The following RALYL variants were observed in gnomAD, a reference collection of about 807,000 sequenced individuals.
The protein encoded by RALYL is RNA-binding Raly-like protein.
A neutral mutation model predicts 35.1 loss-of-function variants in RALYL; 29 were observed. The observed-to-expected ratio is 0.83, with a 90% CI of 0.61 to 1.13. The LOEUF is 1.13. Ranked by LOEUF, RALYL falls within the 50% of genes most tolerant of loss-of-function variation. The probability of loss-of-function intolerance (pLI) is 0.00; values close to 1 mark genes in which losing one functional copy is unlikely to be tolerated. For synonymous variants in RALYL, 120 were observed against 127.6 expected (o/e 0.94, Z 0.40); for missense variants, 359 against 360.4 (o/e 1.00, Z 0.03).
intron 4 of RALYL, among the ~76,000 whole-genome samples, chr8:84,813,439 C>G (rs957611371): frequency 3.3e-5 from 5 of 152,204 alleles, no homozygotes; most frequent in Non-Finnish European, 7.3e-5. Context: ...CCTCCCATTC[C>G]TCTGTGATGA....
chr8:84,235,761 C>CT (rs200486763), intron 1 of RALYL, among the ~76,000 whole-genome samples: 6,801 of 134,738 alleles, frequency 0.05, 268 homozygotes, highest in African/African-American at 0.1. Flanking sequence ...TTTTCTTTTT[C>CT]TTTTTCTTTT....
chr8:84,617,123 G>A (rs1357496159), intron 2 of RALYL, among the ~76,000 whole-genome samples: 1 of 150,368 alleles, frequency 6.7e-6, no homozygotes, highest in Non-Finnish European at 1.5e-5. Context: ...TTCCAATTCT[G>A]TGAAGAAAGT....
chr8:84,238,810 G>T (rs1827202185), intron 1 of RALYL, among the ~76,000 whole-genome samples: 1 of 152,164 alleles, frequency 6.6e-6, no homozygotes, highest in African/African-American at 2.4e-5. Context: ...TCAGAAAACA[G>T]GCATGGTGGT....
At chr8:84,406,593 T>A (rs1056885229) in intron 1 of RALYL, among the ~76,000 whole-genome samples, 2 of 151,972 alleles carry the variant, frequency 1.3e-5, no homozygotes, top group African/African-American at 4.8e-5. Context: ...TCTTTTGATA[T>A]AACCATTTTG....
chr8:84,186,061 T>G (rs1264265199), intron 1 of RALYL, among the ~76,000 whole-genome samples: 1 of 152,228 alleles, frequency 6.6e-6, no homozygotes, highest in East Asian at 1.9e-4. Flanking sequence ...TCATTGTATT[T>G]CCTGGCGGGG....
At chr8:84,769,369 T>C (rs1201689470) in intron 2 of RALYL, among the ~76,000 whole-genome samples, 6 of 152,228 alleles carry the variant, frequency 3.9e-5, no homozygotes, top group Non-Finnish European at 5.9e-5. Flanking sequence ...ATGGGGTTTC[T>C]AATGATCTTC....
At chr8:84,737,805 T>C (rs2132992820) in intron 2 of RALYL, among the ~76,000 whole-genome samples, 1 of 152,116 alleles carries the variant, frequency 6.6e-6, no homozygotes, top group South Asian at 2.1e-4. Flanking sequence ...CCTTCCTCCT[T>C]CTGCCAAATG....
At chr8:84,366,131 T>C (rs1210180248) in intron 1 of RALYL, among the ~76,000 whole-genome samples, 1 of 152,208 alleles carries the variant, frequency 6.6e-6, no homozygotes, top group Non-Finnish European at 1.5e-5. Flanking sequence ...CAATTAACTG[T>C]AATTTTCAGA....
chr8:84,275,220 C>T (rs1316800333), intron 1 of RALYL, among the ~76,000 whole-genome samples: 1 of 152,052 alleles, frequency 6.6e-6, no homozygotes, highest in African/African-American at 2.4e-5. Context: ...ATCTCTAAAC[C>T]TCTAATGTTT....
chr8:84,413,075 T>A (rs2132210383), intron 1 of RALYL, among the ~76,000 whole-genome samples: 1 of 150,824 alleles, frequency 6.6e-6, no homozygotes, highest in East Asian at 1.9e-4. Flanking sequence ...TCACTGCTAT[T>A]TTATAATATT....
intron 2 of RALYL, among the ~76,000 whole-genome samples, chr8:84,658,099 G>A (rs1830278551): frequency 6.6e-6 from 1 of 152,062 alleles, no homozygotes; most frequent in Non-Finnish European, 1.5e-5. Flanking sequence ...ACACCACAGG[G>A]CTGAAAACTG....
At chr8:84,595,484 A>G (rs1175856854) in intron 2 of RALYL, among the ~76,000 whole-genome samples, 1 of 152,146 alleles carries the variant, frequency 6.6e-6, no homozygotes, top group East Asian at 1.9e-4. Flanking sequence ...TGGAGTCCCA[A>G]AAAACAAGAT....
At chr8:84,367,622 C>T (rs769423656) in intron 1 of RALYL, among the ~76,000 whole-genome samples, 4 of 151,734 alleles carry the variant, frequency 2.6e-5, no homozygotes, top group Admixed American at 2.6e-4. Flanking sequence ...AAGCATAGAC[C>T]TTTTCTATAA....
At chr8:84,339,778 C>A (rs956005918) in intron 1 of RALYL, among the ~76,000 whole-genome samples, 4 of 151,968 alleles carry the variant, frequency 2.6e-5, no homozygotes, top group Non-Finnish European at 5.9e-5. Flanking sequence ...CTGAAATCGA[C>A]CTATGCCTCT....
intron 1 of RALYL, among the ~76,000 whole-genome samples, chr8:84,403,535 T>TG (rs1554649395): frequency 1.5e-5 from 2 of 132,708 alleles, no homozygotes; most frequent in Non-Finnish European, 3.1e-5. Context: ...TTTTTTTTTT[T>TG]TTTTTTTTTT....
chr8:84,853,711 C>T (rs568656123), intron 5 of RALYL, among the ~76,000 whole-genome samples: 1 of 152,180 alleles, frequency 6.6e-6, no homozygotes, highest in East Asian at 1.9e-4. Context: ...TCAAGAGTTC[C>T]CTATAAACAT....
Position 84,681,516 on chromosome 8 carries a change from T to C in RALYL, c.257-93063T>C, listed in dbSNP as rs571992523. Among the ~76,000 whole-genome samples, 1,076 of 152,262 alleles carry C rather than the reference T, an allele frequency of 7.1e-3. 9 individuals are homozygous for C. Among genetic ancestry groups the C allele is most frequent in the Middle Eastern group, 0.014 (4 of 294 alleles). On this transcript the variant is annotated intron_variant, in intron 2 of 8. Transcript: ENST00000521268. ...CATTTGCTTGTGTCCTCTTTTATTTTGTTGAGCAGTGGTTTGTAGTTCTCC... is the reference window on the plus strand; with the variant it reads ...CATTTGCTTGTGTCCTCTTTTATTTCGTTGAGCAGTGGTTTGTAGTTCTCC...
chr8:84,278,618 T>A (rs545698103), intron 1 of RALYL, among the ~76,000 whole-genome samples: 2 of 152,212 alleles, frequency 1.3e-5, no homozygotes, highest in African/African-American at 4.8e-5. Flanking sequence ...TTCTACCAGA[T>A]ACCCTAAATC....
chr8:84,880,462 A>G (rs965350925), intron 7 of RALYL, among the ~76,000 whole-genome samples: 1 of 151,938 alleles, frequency 6.6e-6, no homozygotes, highest in Admixed American at 6.6e-5. Flanking sequence ...TGTCATCACT[A>G]TTACATAAAT....
Sources: gnomAD v4.1 joint callset for allele counts (sites outside exome capture counted in the v4.1 genomes callset) on GRCh38, gnomAD v4.1.1 for gene constraint, MANE v1.5 for transcripts, NCBI Gene and HGNC (gene_info 2026-07-23, HGNC 2026-07-21) for gene names.